Variants in LONRF1 observed in about 807,000 individuals in gnomAD.
LONRF1 encodes the protein LON peptidase N-terminal domain and RING finger protein 1.
LONRF1 carries 37 observed loss-of-function variants against 85.8 expected under a neutral mutation model. That is an observed-to-expected ratio of 0.43 (90% CI 0.33 to 0.57). The LOEUF (loss-of-function observed/expected upper bound fraction) is 0.57, where lower values mean the gene tolerates loss of function less well. Ranked by LOEUF, LONRF1 falls within the 20% of genes least tolerant of loss-of-function variation. LONRF1 has a pLI of 0.04. For synonymous variants in LONRF1, 517 were observed against 390.1 expected (o/e 1.33, Z -3.83); for missense variants, 1,036 against 978.0 (o/e 1.06, Z -0.79).
rs137974979 is a variant in LONRF1, at chr8:12,735,417, T to C, written c.1452-17A>G. On this transcript the variant is annotated splice_polypyrimidine_tract_variant and intron_variant, in intron 6 of 11. Transcript: ENST00000398246. ...AAAAACAACCTGAAATCAACCAAGA[T>C]ACATGTTAGTTTTCACATTAAACTA... 1.3e-5 allele frequency: 20 copies of C among 1,494,618 alleles called. No individual in the cohort carries two copies. In the African/African-American group the frequency reaches 1.8e-4, roughly 13 times the overall value. The allele number at this position is 1,494,618 out of a possible 1,614,324, so 92.6% of individuals were successfully genotyped here.
At chr8:12,749,448 T>TA (rs1209898618) in intron 1 of LONRF1, among the ~76,000 whole-genome samples, 2 of 152,162 alleles carry the variant, frequency 1.3e-5, no homozygotes, top group Middle Eastern at 3.2e-3. Flanking sequence ...TTTTGAGAAA[T>TA]ACCTTTGGAA....
rs1462495186 is a variant in LONRF1 at position 12,754,591 on chromosome 8, C to A, written c.721+109G>T. ...CCCGACACGCCAGCGGCCCAGCGGCCCCGGGGAAGCAGAGGAGACTCTCGG... is the reference window on the plus strand; with the variant it reads ...CCCGACACGCCAGCGGCCCAGCGGCACCGGGGAAGCAGAGGAGACTCTCGG... On this transcript the variant is annotated intron_variant, in intron 1 of 11. Transcript: ENST00000398246. The A allele has an allele frequency of 5.7e-5, 68 of 1,194,752 alleles. 1 individual carries two copies. In the South Asian group the frequency reaches 1.2e-3, roughly 21 times the overall value. The allele number at this position is 1,194,752 out of a possible 1,614,324, so 74.0% of individuals were successfully genotyped here.
chr8:12,732,219 C>T (rs1585229900), intron 7 of LONRF1, among the ~76,000 whole-genome samples: 2 of 152,184 alleles, frequency 1.3e-5, no homozygotes, highest in East Asian at 1.9e-4. Flanking sequence ...AACTGAGATA[C>T]AAAAACGGGA....
chr8:12,737,255 C>G (rs1426900460), intron 4 of LONRF1, 115 bp from the exon 5 acceptor site: 4 of 1,211,912 alleles, frequency 3.3e-6, no homozygotes, highest in East Asian at 2.4e-5. Context: ...TTTTAATGTT[C>G]ATTTAATAGC....
At chr8:12,724,007 C>T (rs537349497) in intron 11 of LONRF1, among the ~76,000 whole-genome samples, 2 of 152,224 alleles carry the variant, frequency 1.3e-5, no homozygotes, top group African/African-American at 4.8e-5. Context: ...ATTTATCGGA[C>T]TTAAAATATA....
rs893939136 is a variant in LONRF1 at position 12,731,764 on chromosome 8, A to G, written c.1660T>C (p.Tyr554His). 6.2e-6 allele frequency: 10 copies of G among 1,612,682 alleles called. No individual in the cohort carries two copies. The highest frequency in any genetic ancestry group is 7.6e-6 in the Non-Finnish European group (9 of 1,179,302). ...PDELSERKKIYDEETAELSHL... is the reference protein window; with the variant it reads ...PDELSERKKIHDEETAELSHL... ...GAGAGTTCAGCAGTTTCTTCATCAT[A>G]TATTTTTTTTCTCTCAGACAGTTCA... The change falls in exon 8 of 12, where the codon TAT becomes CAT. Residue 554 changes from tyrosine (Y) to histidine (H), a missense_variant. By Grantham distance (83) the Tyr-to-His change is moderately conservative. Coordinates refer to ENST00000398246, the MANE Select transcript of LONRF1 (RefSeq NM_152271.5).
chr8:12,724,350 G>A (rs931231628), intron 11 of LONRF1, among the ~76,000 whole-genome samples: 4 of 152,124 alleles, frequency 2.6e-5, no homozygotes, highest in Non-Finnish European at 5.9e-5. Context: ...CTGAGACAGT[G>A]GTGCAGACTT....
intron 1 of LONRF1, 87 bp downstream of exon 1, chr8:12,754,613 T>C: frequency 1.6e-6 from 2 of 1,226,676 alleles, no homozygotes; most frequent in Non-Finnish European, 1.0e-6. Flanking sequence ...GAGGAGACTC[T>C]CGGGGCGCAG....
intron 7 of LONRF1, among the ~76,000 whole-genome samples, chr8:12,734,690 C>T (rs1342742317): frequency 6.6e-6 from 1 of 152,172 alleles, no homozygotes; most frequent in Non-Finnish European, 1.5e-5. Flanking sequence ...TCCAATCTAC[C>T]ACTTTTCTAG....
At chr8:12,723,311 T>G (rs1805996643) in intron 11 of LONRF1, 57 bp from the exon 12 acceptor site, 1 of 1,508,108 alleles carries the variant, frequency 6.6e-7, no homozygotes, top group African/African-American at 1.4e-5. Context: ...GTAACAACAG[T>G]AGCAAACCAC....
chr8:12,724,607 G>A (rs1263067412), intron 11 of LONRF1, among the ~76,000 whole-genome samples: 1 of 152,164 alleles, frequency 6.6e-6, no homozygotes, highest in African/African-American at 2.4e-5. Flanking sequence ...ACACAACACT[G>A]CTAACAGAAA....
At position 12,754,978 on chromosome 8, in the gene LONRF1, C is replaced by T; in HGVS notation, c.443G>A (p.Arg148Gln). ...GCGGCAGCGGGCGCGGAGTTCCCTC[C>T]GCAGGCAGCGGCGGCAGTAGCTGTG... ...CGHSYCRRCLRRELRARCRLC... is the reference protein window; with the variant it reads ...CGHSYCRRCLQRELRARCRLC... Residue 148 changes from arginine to glutamine, a missense_variant, in exon 1 of 12, where the codon CGG (arginine) becomes CAG (glutamine). This residue lies in a region of LONRF1 where 742 missense variants were observed against 614.4 expected (regional missense o/e 1.21). Coordinates refer to ENST00000398246, the MANE Select transcript of LONRF1 (RefSeq NM_152271.5). 1 of 1,491,738 alleles carries T rather than the reference C, an allele frequency of 6.7e-7. No homozygotes were observed. Among genetic ancestry groups the T allele is most frequent in the Non-Finnish European group, 8.9e-7 (1 of 1,127,008 alleles). 92.4% of individuals were successfully genotyped at this position (1,491,738 alleles called of 1,614,324 possible).
At position 12,752,397 on chromosome 8, in the gene LONRF1, G is replaced by A. The variant is rs550734747; in HGVS notation, c.721+2303C>T. 6.6e-5 allele frequency among the ~76,000 whole-genome samples: 10 copies of A among 152,190 alleles called. No homozygotes were observed. The South Asian group carries it at 2.1e-3, about 32-fold the overall frequency. On this transcript the variant is annotated intron_variant, in intron 1 of 11. Coordinates refer to ENST00000398246, the MANE Select transcript of LONRF1 (RefSeq NM_152271.5). Reference sequence around the variant, plus strand: ...TTGTTAGCTCTGAGATTTTTTTCCTGTTAGTTCACATTAAGAATTCAAAAG... The same window carrying A: ...TTGTTAGCTCTGAGATTTTTTTCCTATTAGTTCACATTAAGAATTCAAAAG...
chr8:12,732,495 AC>A (rs1459624295), intron 7 of LONRF1, among the ~76,000 whole-genome samples: 2 of 152,166 alleles, frequency 1.3e-5, no homozygotes, highest in African/African-American at 4.8e-5. Flanking sequence ...ATAAAATCTT[AC>A]ATTTGCGCTG....
rs768432908 is a variant in LONRF1 at position 12,731,815 on chromosome 8, C to G, written c.1609G>C (p.Glu537Gln). 6.2e-7 allele frequency: 1 copy of G among 1,612,734 alleles called. No homozygotes were observed. Among genetic ancestry groups the G allele is most frequent in the Non-Finnish European group, 8.5e-7 (1 of 1,178,950 alleles). ...TCAGGCAGATACTTCACTATTAATT[C>G]TTCCAACAGCTGTGTGACACAGTAC... ...RRYCVTQLLE[E>Q]LIVKYLPDEL... Residue 537 changes from glutamate to glutamine, a missense_variant, in exon 8 of 12, where the codon GAA becomes CAA. Physicochemically the swap from Glu to Gln is conservative, Grantham distance 29 (BLOSUM62 2). This residue lies in a region of LONRF1 where 265 missense variants were observed against 301.5 expected (regional missense o/e 0.88). Coordinates refer to ENST00000398246, the MANE Select transcript of LONRF1 (RefSeq NM_152271.5).
At chr8:12,737,249 A>C (rs761963370) in intron 4 of LONRF1, 109 bp from the exon 5 acceptor site, 47 of 1,298,058 alleles carry the variant, frequency 3.6e-5, no homozygotes, top group Non-Finnish European at 4.9e-5. Flanking sequence ...TGCTCATTTT[A>C]ATGTTCATTT....
At chr8:12,742,185 T>C (rs753862888) in intron 2 of LONRF1, among the ~76,000 whole-genome samples, 1 of 152,214 alleles carries the variant, frequency 6.6e-6, no homozygotes, top group Non-Finnish European at 1.5e-5. Flanking sequence ...ATTTACTTTG[T>C]ACTAACCAGT....
At chr8:12,737,230 G>T in intron 4 of LONRF1, 90 bp from the exon 5 acceptor site, 1 of 1,333,060 alleles carries the variant, frequency 7.5e-7, no homozygotes, top group Non-Finnish European at 1.1e-6. Context: ...AAATTTCAAT[G>T]CCTTATAATG....
At chr8:12,728,228 G>A (rs1197905973) in intron 10 of LONRF1, among the ~76,000 whole-genome samples, 2 of 152,100 alleles carry the variant, frequency 1.3e-5, no homozygotes, top group South Asian at 2.1e-4. Flanking sequence ...TAAACTAACT[G>A]CAGTAGGTAA....
Sources: allele counts gnomAD v4.1 joint callset (sites outside exome capture counted in the v4.1 genomes callset), GRCh38; gene constraint gnomAD v4.1.1; regional missense constraint gnomAD v4.1.1; transcripts MANE v1.5; gene names NCBI Gene and HGNC (gene_info 2026-07-23, HGNC 2026-07-21).